The following TLK1 variants were observed in gnomAD, a reference collection of about 807,000 sequenced individuals.
TLK1 encodes serine/threonine-protein kinase tousled-like 1.
Under a neutral mutation model 105.3 loss-of-function variants are expected in TLK1, and 24 were observed. That is an observed-to-expected ratio of 0.23 (90% CI 0.17 to 0.32). The LOEUF is 0.32. TLK1 is among the 10% of genes least tolerant of loss of function. The pLI, the probability that TLK1 is intolerant of heterozygous loss-of-function variation, is 1.00. For missense variants in TLK1, 558 were observed against 910.5 expected, an observed-to-expected ratio of 0.61 and a Z score of 4.98; for synonymous variants, 321 against 310.4, an observed-to-expected ratio of 1.03 and a Z score of -0.36.
intron 20 of TLK1, among the ~76,000 whole-genome samples, 172 bp downstream of exon 20, chr2:170,996,481 C>A (rs1017135168): frequency 6.6e-6 from 1 of 152,082 alleles, no homozygotes; most frequent in Non-Finnish European, 1.5e-5. Flanking sequence ...ACTATAGCAA[C>A]CAGAGGCTGA....
chr2:171,117,334 G>A (rs1031575991), intron 2 of TLK1, among the ~76,000 whole-genome samples: 25 of 152,270 alleles, frequency 1.6e-4, no homozygotes, highest in Admixed American at 1.2e-3. Flanking sequence ...CTGTGTGGCC[G>A]GTTACTAACA....
At chr2:171,192,391 G>C (rs979753639) in intron 1 of TLK1, among the ~76,000 whole-genome samples, 1 of 152,042 alleles carries the variant, frequency 6.6e-6, no homozygotes, top group Non-Finnish European at 1.5e-5. Context: ...GAAGTTATTG[G>C]TAACAGAGCC....
intron 11 of TLK1, among the ~76,000 whole-genome samples, chr2:171,044,170 C>T (rs1251489332): frequency 6.6e-6 from 1 of 152,056 alleles, no homozygotes; most frequent in African/African-American, 2.4e-5. Context: ...GCCTGTGATC[C>T]CAGCACTTTG....
intron 12 of TLK1, among the ~76,000 whole-genome samples, chr2:171,017,426 T>C (rs1351782209): frequency 2.0e-5 from 3 of 152,210 alleles, no homozygotes; most frequent in African/African-American, 7.2e-5. Flanking sequence ...TTAGAATAAA[T>C]ACTTGTTTTA....
chr2:171,141,676 A>AT (rs1691580447), intron 1 of TLK1, among the ~76,000 whole-genome samples: 1 of 152,196 alleles, frequency 6.6e-6, no homozygotes, highest in Non-Finnish European at 1.5e-5. Flanking sequence ...TAGCTGCAAC[A>AT]TGACAAATGA....
At chr2:171,033,103 G>A (rs983592151) in intron 11 of TLK1, among the ~76,000 whole-genome samples, 1 of 151,472 alleles carries the variant, frequency 6.6e-6, no homozygotes, top group Non-Finnish European at 1.5e-5. Context: ...ATACTTGGGA[G>A]GTTGAGAAAG....
Position 171,160,504 on chromosome 2 carries a change from A to C in TLK1, c.-76T>G. Reference sequence around the variant, plus strand: ...AACGGCACCGGCACCCGCCTCCGTCATGGCGGGGGCCGCGCTGAGGGCGAG... The same window carrying C: ...AACGGCACCGGCACCCGCCTCCGTCCTGGCGGGGGCCGCGCTGAGGGCGAG... On this transcript the variant is annotated 5_prime_UTR_variant, in exon 1 of 21. The change abolishes an upstream ATG in the 5' untranslated region. Coordinates refer to ENST00000431350, the MANE Select transcript of TLK1 (RefSeq NM_012290.5). This position sits in a 1 kb window ranked among gnomAD's most constrained non-coding sequence, Gnocchi z 4.4. 6.7e-7 allele frequency: 1 copy of C among 1,484,804 alleles called. No individual in the cohort carries two copies. The highest frequency in any genetic ancestry group is 9.0e-7 in the Non-Finnish European group (1 of 1,109,340). 92.0% of individuals were successfully genotyped at this position (1,484,804 alleles called of 1,614,324 possible). A position where few individuals can be genotyped will look rare whatever the true frequency, so the allele number is the denominator to read the frequency against.
At chr2:171,111,366 G>GT (rs1690149391) in intron 2 of TLK1, among the ~76,000 whole-genome samples, 1 of 152,072 alleles carries the variant, frequency 6.6e-6, no homozygotes, top group South Asian at 2.1e-4. Context: ...TGAGTCAAGA[G>GT]TTTGAGACCA....
At chr2:171,107,258 G>A (rs778448150) in intron 2 of TLK1, among the ~76,000 whole-genome samples, 6 of 152,194 alleles carry the variant, frequency 3.9e-5, no homozygotes, top group Non-Finnish European at 7.3e-5. Context: ...CCAATGAAAA[G>A]TCTGATCTTG....
intron 2 of TLK1, among the ~76,000 whole-genome samples, chr2:171,100,655 A>T (rs1006249968): frequency 6.6e-6 from 1 of 152,122 alleles, no homozygotes; most frequent in African/African-American, 2.4e-5. Flanking sequence ...TACAGGCTAT[A>T]ATTTAAAAAG....
intron 1 of TLK1, among the ~76,000 whole-genome samples, chr2:171,185,800 T>C (rs1191373378): frequency 6.6e-6 from 1 of 152,202 alleles, no homozygotes; most frequent in Non-Finnish European, 1.5e-5. Context: ...TCTCCCTAGA[T>C]AGTGAATTCC....
chr2:171,019,510 T>C (rs571399653), intron 12 of TLK1, among the ~76,000 whole-genome samples: 1 of 152,330 alleles, frequency 6.6e-6, no homozygotes, highest in East Asian at 1.9e-4. Context: ...GTAAAACCAA[T>C]ACATTTCCTG....
At chr2:171,164,948 C>T (rs1692579023), upstream of TLK1, among the ~76,000 whole-genome samples, 1 of 151,982 alleles carries the variant, frequency 6.6e-6, no homozygotes, top group Admixed American at 6.6e-5. Context: ...GAGTGAGACC[C>T]CACCTCTATC....
Position 171,146,515 on chromosome 2 carries a change from A to G in TLK1, c.139+13775T>C, listed in dbSNP as rs956397488. Among the ~76,000 whole-genome samples, 7 of 152,366 alleles carry G rather than the reference A, an allele frequency of 4.6e-5. No homozygotes were observed. In the East Asian group the frequency reaches 1.3e-3, roughly 29 times the overall value. On this transcript the variant is annotated intron_variant, in intron 1 of 20. Coordinates refer to ENST00000431350, the MANE Select transcript of TLK1 (RefSeq NM_012290.5). ...ACAATGGAAAATATTCAAATATATAAAAGAAAAAATATGACGGTGGAAATA... is the reference window on the plus strand; with the variant it reads ...ACAATGGAAAATATTCAAATATATAGAAGAAAAAATATGACGGTGGAAATA...
chr2:171,110,444 G>A (rs182623820), intron 2 of TLK1, among the ~76,000 whole-genome samples: 19 of 152,326 alleles, frequency 1.2e-4, no homozygotes, highest in Admixed American at 1.2e-3. Flanking sequence ...ACTCCAGTTG[G>A]GCGACAGAGC....
chr2:171,169,997 C>T (rs374486268), intron 1 of TLK1, among the ~76,000 whole-genome samples: 1 of 152,010 alleles, frequency 6.6e-6, no homozygotes, highest in East Asian at 1.9e-4. Flanking sequence ...GTCTGCAGAG[C>T]AAATGACAAA....
chr2:171,203,284 G>GT lies in TLK1; in HGVS notation c.-6+27860dup, dbSNP rs11421050. Among the ~76,000 whole-genome samples, 580 of 152,126 alleles carry GT rather than the reference G, an allele frequency of 3.8e-3. 8 individuals are homozygous for GT. Among genetic ancestry groups the GT allele is most frequent in the African/African-American group, 0.013 (526 of 41,504 alleles). ...AGTGTTAAGTATATTCATATTTTGT[G>GT]TAAATAGTCTTCAGAATTCATCTCG... On this transcript the variant is annotated intron_variant, in intron 1 of 20. Transcript: ENST00000521943.
intron 12 of TLK1, among the ~76,000 whole-genome samples, chr2:171,028,082 G>T (rs1198320470): frequency 6.6e-6 from 1 of 152,194 alleles, no homozygotes; most frequent in Non-Finnish European, 1.5e-5. Context: ...AAAATTGCTT[G>T]AACCAGGGAG....
At chr2:171,150,609 TGTG>T (rs1419351683) in intron 1 of TLK1, among the ~76,000 whole-genome samples, 1 of 152,222 alleles carries the variant, frequency 6.6e-6, no homozygotes, top group Non-Finnish European at 1.5e-5. Context: ...ACAACTGACA[TGTG>T]GACATCAGGA....
Sources: allele counts gnomAD v4.1 joint callset (sites outside exome capture counted in the v4.1 genomes callset), GRCh38; gene constraint gnomAD v4.1.1; non-coding constraint Gnocchi (gnomAD v3.1); transcripts MANE v1.5; gene names NCBI Gene and HGNC (gene_info 2026-07-23, HGNC 2026-07-21).